CDC37L1: variants seen among roughly 807,000 people sequenced by gnomAD.
The protein encoded by CDC37L1 is hsp90 co-chaperone Cdc37-like 1.
In CDC37L1, 32 loss-of-function variants were observed where a neutral mutation model predicts 45.9. The observed-to-expected ratio is 0.70, with a 90% CI of 0.53 to 0.94. CDC37L1 has a LOEUF of 0.94. CDC37L1 is among the 40% of genes least tolerant of loss of function. The pLI is 0.00. For missense variants in CDC37L1, 434 were observed against 405.7 expected (o/e 1.07, Z -0.60); for synonymous variants, 150 against 133.0 (o/e 1.13, Z -0.88).
intron 2 of CDC37L1, among the ~76,000 whole-genome samples, chr9:4,686,753 G>A (rs2130844684): frequency 6.6e-6 from 1 of 152,308 alleles, no homozygotes; most frequent in East Asian, 1.9e-4. Flanking sequence ...TGAGACTTGA[G>A]AGGACTGGTC....
intron 4 of CDC37L1, 102 bp from the exon 5 acceptor site, chr9:4,697,655 G>C: frequency 3.3e-6 from 2 of 608,658 alleles, no homozygotes; most frequent in Non-Finnish European, 5.6e-6. Flanking sequence ...TATAACTTAA[G>C]AGAGTAAAAT....
At chr9:4,690,050 T>C (rs2130846925) in intron 3 of CDC37L1, among the ~76,000 whole-genome samples, 1 of 152,352 alleles carries the variant, frequency 6.6e-6, no homozygotes, top group Non-Finnish European at 1.5e-5. Context: ...TAGGAAAATA[T>C]CCAAATATCA....
At position 4,697,154 on chromosome 9, in the gene CDC37L1, A is replaced by T. The variant is rs765112410; in HGVS notation, c.567A>T (p.Val189=). 29 of 1,598,704 alleles carry T rather than the reference A, an allele frequency of 1.8e-5. No individual in the cohort carries two copies. The highest frequency in any genetic ancestry group is 1.7e-4 in the Middle Eastern group (1 of 6,016). ...QRFLSDHPYL[V]CEETAKYLIL... Reference sequence around the variant, plus strand: ...TTTTGTCTGACCATCCATACCTTGTATGTGAAGAAACTGCTAAATATCTTA... The same window carrying T: ...TTTTGTCTGACCATCCATACCTTGTTTGTGAAGAAACTGCTAAATATCTTA... The change falls in exon 4 of 7, where the codon GTA becomes GTT. Residue 189 remains valine, a synonymous_variant. Coordinates refer to ENST00000381854, the MANE Select transcript of CDC37L1 (RefSeq NM_017913.4).
intron 3 of CDC37L1, among the ~76,000 whole-genome samples, chr9:4,692,347 G>C (rs1344212236): frequency 1.3e-5 from 2 of 150,796 alleles, no homozygotes; most frequent in Non-Finnish European, 2.9e-5. Flanking sequence ...TCAGCTCACT[G>C]CAACCTCCGC....
At chr9:4,695,864 C>T (rs1011355953) in intron 3 of CDC37L1, among the ~76,000 whole-genome samples, 4 of 152,142 alleles carry the variant, frequency 2.6e-5, no homozygotes, top group Admixed American at 6.5e-5. Flanking sequence ...AATCTCGGCT[C>T]GCTGCAACCT....
Position 4,679,733 on chromosome 9 carries a change from G to C in CDC37L1, c.-35G>C, listed in dbSNP as rs41298190. ...GTCTGTTGGCAGTGGCAGTTGTAGG[G>C]CCAAGGGCGGTTGTAGGACCCGGAG... is the stretch of plus-strand genomic sequence containing the variant. On this transcript the variant is annotated 5_prime_UTR_variant, in exon 1 of 7. Coordinates refer to ENST00000381854, the MANE Select transcript of CDC37L1 (RefSeq NM_017913.4). 6.3e-7 allele frequency: 1 copy of C among 1,595,792 alleles called. No individual in the cohort carries two copies. Among genetic ancestry groups the C allele is most frequent in the Non-Finnish European group, 8.5e-7 (1 of 1,169,596 alleles).
At chr9:4,703,851 T>A (rs1841420836) in intron 6 of CDC37L1, among the ~76,000 whole-genome samples, 1 of 152,184 alleles carries the variant, frequency 6.6e-6, no homozygotes, top group Non-Finnish European at 1.5e-5. Flanking sequence ...ATTATACAAT[T>A]CTGACACTTC....
intron 3 of CDC37L1, among the ~76,000 whole-genome samples, chr9:4,694,067 A>C (rs1430564354): frequency 6.6e-6 from 1 of 152,136 alleles, no homozygotes; most frequent in African/African-American, 2.4e-5. Context: ...TGTTCCACTG[A>C]GTTGTTGATT....
At chr9:4,683,295 C>G (rs12335778) in intron 1 of CDC37L1, among the ~76,000 whole-genome samples, 62,838 of 151,144 alleles carry the variant, frequency 0.42, 13,832 homozygotes, top group East Asian at 0.6. Flanking sequence ...GAGGTAGGGT[C>G]CTTGGTTACT....
At chr9:4,691,067 C>T (rs892456437) in intron 3 of CDC37L1, among the ~76,000 whole-genome samples, 1 of 152,146 alleles carries the variant, frequency 6.6e-6, no homozygotes, top group Admixed American at 6.5e-5. Context: ...GTGGCTATGC[C>T]TGCTTGATGG....
chr9:4,701,044 C>T (rs948994894), intron 5 of CDC37L1, among the ~76,000 whole-genome samples: 7 of 152,188 alleles, frequency 4.6e-5, no homozygotes, highest in African/African-American at 1.7e-4. Flanking sequence ...GCACAGAACA[C>T]TCTCTGCATT....
At chr9:4,691,129 G>A (rs537776595) in intron 3 of CDC37L1, among the ~76,000 whole-genome samples, 3 of 152,346 alleles carry the variant, frequency 2.0e-5, no homozygotes, top group Non-Finnish European at 4.4e-5. Context: ...TTACCAAAAT[G>A]ATGACTATAT....
At position 4,684,836 on chromosome 9, in the gene CDC37L1, C is replaced by G. The variant is rs368361705; in HGVS notation, c.133-41C>G. ...AATTGAACTGTGCTGCACAAACATC[C>G]ATTGCTTTCTTCATTTCTTACAAAT... On this transcript the variant is annotated intron_variant, in intron 1 of 6. Coordinates refer to ENST00000381854, the MANE Select transcript of CDC37L1 (RefSeq NM_017913.4). The G allele has an allele frequency of 6.2e-6, 9 of 1,442,414 alleles. No homozygotes were observed. In the African/African-American group the frequency reaches 1.3e-4, roughly 20 times the overall value. 89.4% of individuals were successfully genotyped at this position (1,442,414 alleles called of 1,614,324 possible).
intron 6 of CDC37L1, among the ~76,000 whole-genome samples, chr9:4,703,661 G>A (rs1175273563): frequency 6.6e-6 from 1 of 152,184 alleles, no homozygotes; most frequent in African/African-American, 2.4e-5. Flanking sequence ...TTGGAAGGAT[G>A]TAACTGATTC....
At position 4,685,162 on chromosome 9, in the gene CDC37L1, T is replaced by C. The variant is rs1381413164; in HGVS notation, c.414+4T>C. ...TAGCAAGGATGTTTTTAATAAGGTATGAGCTTTTACTGGGCCATAATGAAA... is the reference window on the plus strand; with the variant it reads ...TAGCAAGGATGTTTTTAATAAGGTACGAGCTTTTACTGGGCCATAATGAAA... On this transcript the variant is annotated splice_donor_region_variant and intron_variant, in intron 2 of 6. Transcript: ENST00000381854. 5 of 1,609,772 alleles carry C rather than the reference T, an allele frequency of 3.1e-6. No individual in the cohort carries two copies. The highest frequency in any genetic ancestry group is 1.7e-5 in the Admixed American group (1 of 59,906).
chr9:4,692,881 TCTAGAATG>T (rs1255927043), intron 3 of CDC37L1, among the ~76,000 whole-genome samples: 3 of 152,202 alleles, frequency 2.0e-5, no homozygotes, highest in Non-Finnish European at 4.4e-5. Flanking sequence ...CAGAGGAATT[TCTAGAATG>T]CTTGATTTGG....
Position 4,685,088 on chromosome 9 carries a change from A to C in CDC37L1, c.344A>C (p.Glu115Ala), listed in dbSNP as rs752235673. 17 of 1,613,686 alleles carry C rather than the reference A, an allele frequency of 1.1e-5. No individual in the cohort carries two copies. Among genetic ancestry groups the C allele is most frequent in the Admixed American group, 8.3e-5 (5 of 60,006 alleles). Residue 115 changes from glutamate to alanine, a missense_variant, in exon 2 of 7, where the codon GAA (glutamate) becomes GCA (alanine). Coordinates refer to ENST00000381854, the MANE Select transcript of CDC37L1 (RefSeq NM_017913.4). ...GAAGAAGAGTGGCGACAGAAAGAAG[A>C]AGCTCTAGTACAAAGAGAGAAGATG... ...QREEEWRQKE[E>A]ALVQREKMCL... is the part of the protein sequence containing the mutation.
rs1841467280 is a variant in CDC37L1, at chr9:4,708,345, A to AT, written c.*2235dup. ...TTTTTACATCAAAGTATCATCAAAG[A>AT]TTCTTGTTTCATTTGATAAAATTAA... On this transcript the variant is annotated 3_prime_UTR_variant, in exon 7 of 7. Coordinates refer to ENST00000381854, the MANE Select transcript of CDC37L1 (RefSeq NM_017913.4). 6.6e-6 allele frequency: 1 copy of AT among 152,234 alleles called. No homozygotes were observed. The highest frequency in any genetic ancestry group is 6.5e-5 in the Admixed American group (1 of 15,284). The allele number at this position is 152,234 out of a possible 1,614,324, so 9.4% of individuals were successfully genotyped here. A position where few individuals can be genotyped will look rare whatever the true frequency, so the allele number is the denominator to read the frequency against.
intron 1 of CDC37L1, among the ~76,000 whole-genome samples, chr9:4,684,600 G>A (rs1841229449): frequency 6.6e-6 from 1 of 152,152 alleles, no homozygotes; most frequent in African/African-American, 2.4e-5. Context: ...TTAATTAAAC[G>A]TTTGTTAAGC....
Sources: gnomAD v4.1 joint callset for allele counts (sites outside exome capture counted in the v4.1 genomes callset) on GRCh38, gnomAD v4.1.1 for gene constraint, MANE v1.5 for transcripts, NCBI Gene and HGNC (gene_info 2026-07-23, HGNC 2026-07-21) for gene names.